TBX5: variants seen among roughly 807,000 people sequenced by gnomAD.
TBX5 encodes the protein T-box transcription factor TBX5.
TBX5 carries 8 observed loss-of-function variants against 51.1 expected under a neutral mutation model. The observed-to-expected ratio is 0.16, with a 90% CI of 0.09 to 0.28. The LOEUF is 0.28. Among genes scored for constraint, TBX5 ranks in the 10% least tolerant of loss-of-function variants. TBX5 has a pLI of 1.00. For missense variants in TBX5, 589 were observed against 671.7 expected (o/e 0.88, Z 1.36); for synonymous variants, 302 against 266.4 (o/e 1.13, Z -1.30).
chr12:114,388,401 C>G (rs1870942195), intron 6 of TBX5, among the ~76,000 whole-genome samples: 1 of 152,222 alleles, frequency 6.6e-6, no homozygotes, highest in Non-Finnish European at 1.5e-5. Context: ...AGGTGATCTG[C>G]CTGCCTCAGC....
At chr12:114,392,573 T>C (rs1871216357) in intron 6 of TBX5, among the ~76,000 whole-genome samples, 1 of 152,210 alleles carries the variant, frequency 6.6e-6, no homozygotes, top group South Asian at 2.1e-4. Flanking sequence ...CGGTCACTTT[T>C]ATATGTCTAC....
At chr12:114,396,080 C>T (rs372315514) in intron 5 of TBX5, among the ~76,000 whole-genome samples, 6 of 152,106 alleles carry the variant, frequency 3.9e-5, no homozygotes, top group African/African-American at 1.4e-4. Flanking sequence ...GACCCTGGGG[C>T]AAGATTCTTG....
rs957594226 is a variant in TBX5 at position 114,406,065 on chromosome 12, C to T, written c.-476G>A. On this transcript the variant is annotated 5_prime_UTR_variant, in exon 1 of 9. Transcript: ENST00000405440. Reference sequence around the variant, plus strand: ...GAGTCAGTCTCTCTCACTCTCTCTCCCTCTCTCTCTCTCTCTGAAATACAA... The same window carrying T: ...GAGTCAGTCTCTCTCACTCTCTCTCTCTCTCTCTCTCTCTCTGAAATACAA... 1.6e-5 allele frequency: 15 copies of T among 954,724 alleles called. No homozygotes were observed. The East Asian group carries it at 8.1e-4, about 52-fold the overall frequency. 59.1% of individuals were successfully genotyped at this position (954,724 alleles called of 1,614,324 possible).
chr12:114,398,282 G>T (rs1333751282), intron 5 of TBX5, among the ~76,000 whole-genome samples: 1 of 152,152 alleles, frequency 6.6e-6, no homozygotes, highest in African/African-American at 2.4e-5. Context: ...TAGGAGAGTA[G>T]TGGAGACAGA....
At chr12:114,388,457 G>A (rs1322331285) in intron 6 of TBX5, among the ~76,000 whole-genome samples, 1 of 151,756 alleles carries the variant, frequency 6.6e-6, no homozygotes, top group Non-Finnish European at 1.5e-5. Flanking sequence ...ATGCCCAGCT[G>A]AGCCAAGTAT....
At chr12:114,358,541 A>G (rs1869045784) in intron 8 of TBX5, among the ~76,000 whole-genome samples, 4 of 152,132 alleles carry the variant, frequency 2.6e-5, no homozygotes, top group Admixed American at 2.6e-4. Context: ...CACAAACAAA[A>G]CATATCTCTT....
At chr12:114,385,334 G>A in intron 7 of TBX5, 142 bp downstream of exon 7, 4 of 756,884 alleles carry the variant, frequency 5.3e-6, no homozygotes, top group Non-Finnish European at 7.1e-6. Flanking sequence ...GGGACAGAGG[G>A]GGCTCATTCT....
chr12:114,375,602 T>C (rs528200262), intron 7 of TBX5, among the ~76,000 whole-genome samples: 1 of 152,332 alleles, frequency 6.6e-6, no homozygotes, highest in South Asian at 2.1e-4. Flanking sequence ...ACCTTACACC[T>C]GTTAGGATGG....
At chr12:114,362,150 G>A (rs1593842970) in intron 8 of TBX5, among the ~76,000 whole-genome samples, 1 of 152,210 alleles carries the variant, frequency 6.6e-6, no homozygotes, top group East Asian at 1.9e-4. Flanking sequence ...CCTGGTCGGA[G>A]CCACCATCTC....
intron 7 of TBX5, among the ~76,000 whole-genome samples, chr12:114,382,011 A>G (rs1400972731): frequency 6.6e-6 from 1 of 152,218 alleles, no homozygotes; most frequent in Non-Finnish European, 1.5e-5. Context: ...CATCAAGGAC[A>G]CCTAGTCCAG....
At chr12:114,382,046 G>A (rs1424685297) in intron 7 of TBX5, among the ~76,000 whole-genome samples, 1 of 152,198 alleles carries the variant, frequency 6.6e-6, no homozygotes, top group Non-Finnish European at 1.5e-5. Flanking sequence ...GCAATACCTT[G>A]ACAGATGGTT....
intron 6 of TBX5, among the ~76,000 whole-genome samples, chr12:114,389,446 G>C (rs1871024083): frequency 6.6e-6 from 1 of 151,908 alleles, no homozygotes; most frequent in South Asian, 2.1e-4. Flanking sequence ...AAGTTAAGGA[G>C]AAATAGATCA....
intron 7 of TBX5, among the ~76,000 whole-genome samples, chr12:114,373,934 G>T (rs1870059103): frequency 6.6e-6 from 1 of 152,342 alleles, no homozygotes; most frequent in Non-Finnish European, 1.5e-5. Flanking sequence ...TGGTGAGAAG[G>T]AGTCCTCCAA....
chr12:114,405,135 C>T (rs1425440712), intron 1 of TBX5, among the ~76,000 whole-genome samples: 2 of 152,244 alleles, frequency 1.3e-5, no homozygotes, highest in Non-Finnish European at 2.9e-5. Context: ...CAGATCCCAC[C>T]CTGACCTGCT....
At chr12:114,362,038 T>G (rs1345777747) in intron 8 of TBX5, among the ~76,000 whole-genome samples, 1 of 152,110 alleles carries the variant, frequency 6.6e-6, no homozygotes, top group Admixed American at 6.5e-5. Context: ...TCCTCAGTGT[T>G]GGTTTCCAAA....
At chr12:114,370,661 C>CTCTCTA (rs1555224323) in intron 7 of TBX5, among the ~76,000 whole-genome samples, 7 of 134,088 alleles carry the variant, frequency 5.2e-5, no homozygotes, top group African/African-American at 1.6e-4. Flanking sequence ...CTCTCTCTCT[C>CTCTCTA]TCTATCTATC....
At chr12:114,368,133 G>A (rs1319339446) in intron 7 of TBX5, among the ~76,000 whole-genome samples, 2 of 152,174 alleles carry the variant, frequency 1.3e-5, no homozygotes, top group Non-Finnish European at 2.9e-5. Context: ...CACTATAAGT[G>A]ATCATATCTG....
intron 7 of TBX5, among the ~76,000 whole-genome samples, chr12:114,380,904 T>C (rs1354096792): frequency 6.6e-6 from 1 of 151,908 alleles, no homozygotes. Context: ...TGGGGAAATA[T>C]TAGTTTTTAG....
In TBX5 at chr12:114,371,721, G is replaced by A. The variant is rs533591318; in HGVS notation, c.756-5330C>T. On this transcript the variant is annotated intron_variant, in intron 7 of 8. Coordinates refer to ENST00000405440, the MANE Select transcript of TBX5 (RefSeq NM_181486.4). ...TCTCTTGGAGCAAATTCCTCTTCTC[G>A]ATAGCATTTTAATCTGTGATTAAAA... Among the ~76,000 whole-genome samples the A allele has an allele frequency of 6.0e-4, 91 of 151,278 alleles. 1 individual carries two copies. The highest frequency in any genetic ancestry group is 4.6e-3 in the Admixed American group (69 of 15,110).
Sources: gnomAD v4.1 joint callset for allele counts (sites outside exome capture counted in the v4.1 genomes callset) on GRCh38, gnomAD v4.1.1 for gene constraint, MANE v1.5 for transcripts, NCBI Gene and HGNC (gene_info 2026-07-23, HGNC 2026-07-21) for gene names.